SCFD1: variants seen among roughly 807,000 people sequenced by gnomAD.
SCFD1 encodes the protein sec1 family domain-containing protein 1.
In SCFD1, 37 loss-of-function variants were observed where a neutral mutation model predicts 103.2. The ratio of observed to expected loss-of-function variants is 0.36; its 90% CI spans 0.28 to 0.47. The LOEUF (loss-of-function observed/expected upper bound fraction) is 0.47, where lower values mean the gene tolerates loss of function less well. Ranked by LOEUF, SCFD1 falls within the 20% of genes least tolerant of loss-of-function variation. The probability of loss-of-function intolerance (pLI) is 1.00; values close to 1 mark genes in which losing one functional copy is unlikely to be tolerated. For missense variants in SCFD1, 639 were observed against 761.2 expected (o/e 0.84, Z 1.89); for synonymous variants, 264 against 245.0 (o/e 1.08, Z -0.73).
chr14:30,626,705 A>G lies in SCFD1; in HGVS notation c.62-1504A>G, dbSNP rs1053703564. On this transcript the variant is annotated intron_variant, in intron 1 of 24. Coordinates refer to ENST00000458591, the MANE Select transcript of SCFD1 (RefSeq NM_016106.4). ...CTCTCCTATGTGTGTTGCCCCCATT[A>G]AAACCCTGTGTCTCATTTCCTGGCT... Among the ~76,000 whole-genome samples the G allele has an allele frequency of 2.6e-5, 4 of 152,148 alleles. No homozygotes were observed. In the East Asian group the frequency reaches 5.8e-4, roughly 22 times the overall value.
intron 23 of SCFD1, among the ~76,000 whole-genome samples, chr14:30,729,974 C>T (rs756538175): frequency 6.6e-6 from 1 of 152,054 alleles, no homozygotes; most frequent in South Asian, 2.1e-4. Context: ...TCATCGTTTA[C>T]GTTAGGTATA....
chr14:30,701,563 A>AT (rs1891080339), intron 16 of SCFD1, among the ~76,000 whole-genome samples: 1 of 152,154 alleles, frequency 6.6e-6, no homozygotes, highest in African/African-American at 2.4e-5. Context: ...AAAAAAAAAA[A>AT]GTATCTCTCT....
intron 14 of SCFD1, among the ~76,000 whole-genome samples, chr14:30,691,065 A>G: frequency 6.6e-6 from 1 of 152,240 alleles, no homozygotes; most frequent in Non-Finnish European, 1.5e-5. Context: ...AGGCCTATAG[A>G]AGGAAGCCAT....
intron 10 of SCFD1, among the ~76,000 whole-genome samples, chr14:30,668,830 G>A (rs897175104): frequency 8.5e-5 from 13 of 152,190 alleles, no homozygotes; most frequent in Non-Finnish European, 1.5e-4. Context: ...TCAGAGAAAT[G>A]CAAATGAAAA....
chr14:30,653,403 T>C, intron 9 of SCFD1, 86 bp from the exon 10 acceptor site: 2 of 803,232 alleles, frequency 2.5e-6, no homozygotes, highest in South Asian at 3.2e-5. Context: ...CATATCAAAA[T>C]GGCATATACT....
At chr14:30,630,627 G>C in intron 3 of SCFD1, 62 bp downstream of exon 3, 2 of 998,570 alleles carry the variant, frequency 2.0e-6, no homozygotes, top group Non-Finnish European at 3.2e-6. Flanking sequence ...GAGAAAAATA[G>C]TGTTAGGTTA....
At chr14:30,681,802 T>C (rs1382780791) in intron 14 of SCFD1, among the ~76,000 whole-genome samples, 3 of 152,280 alleles carry the variant, frequency 2.0e-5, no homozygotes, top group Non-Finnish European at 1.5e-5. Flanking sequence ...TTAAGTGATG[T>C]AATGAGGTAG....
At chr14:30,633,363 TAATC>T (rs1884377764) in intron 3 of SCFD1, among the ~76,000 whole-genome samples, 1 of 152,202 alleles carries the variant, frequency 6.6e-6, no homozygotes, top group Non-Finnish European at 1.5e-5. Context: ...TAAAATGACT[TAATC>T]TATAAGATGC....
chr14:30,669,395 T>A (rs1334585668), intron 10 of SCFD1, among the ~76,000 whole-genome samples: 1 of 152,120 alleles, frequency 6.6e-6, no homozygotes, highest in Non-Finnish European at 1.5e-5. Flanking sequence ...CACTATTCTT[T>A]AGTTGGCATT....
Position 30,715,868 on chromosome 14 carries a change from A to C in SCFD1, c.1630-56A>C, listed in dbSNP as rs952619403. The C allele has an allele frequency of 3.7e-5, 35 of 938,628 alleles. No individual in the cohort carries two copies. In the African/African-American group the frequency reaches 4.7e-4, roughly 13 times the overall value. The allele number at this position is 938,628 out of a possible 1,614,324, so 58.1% of individuals were successfully genotyped here. ...AACTGTAGAATGATCAGGTTGTTTT[A>C]ATAGAGAAGAACTTTGGTTTAATAT... On this transcript the variant is annotated intron_variant, in intron 19 of 24. Coordinates refer to ENST00000458591, the MANE Select transcript of SCFD1 (RefSeq NM_016106.4).
At chr14:30,638,057 G>A in intron 4 of SCFD1, 68 bp from the exon 5 acceptor site, 3 of 1,430,990 alleles carry the variant, frequency 2.1e-6, no homozygotes, top group Non-Finnish European at 2.8e-6. Flanking sequence ...TTGCCTTATA[G>A]TAGTTGAAAC....
At chr14:30,652,621 C>G (rs1360735763) in intron 9 of SCFD1, among the ~76,000 whole-genome samples, 1 of 152,046 alleles carries the variant, frequency 6.6e-6, no homozygotes, top group Non-Finnish European at 1.5e-5. Flanking sequence ...CCTTTTTTTA[C>G]AGAAACATCA....
intron 15 of SCFD1, among the ~76,000 whole-genome samples, chr14:30,699,447 G>T (rs1458610231): frequency 6.6e-6 from 1 of 152,168 alleles, no homozygotes; most frequent in Non-Finnish European, 1.5e-5. Flanking sequence ...GCACATACAT[G>T]ATAGAAGAAC....
rs541934671 is a variant in SCFD1, at chr14:30,711,325, A to G, written c.1629+3260A>G. Among the ~76,000 whole-genome samples, 206 of 152,328 alleles carry G rather than the reference A, an allele frequency of 1.4e-3. 2 individuals carry two copies. Among genetic ancestry groups the G allele is most frequent in the African/African-American group, 4.7e-3 (195 of 41,570 alleles). On this transcript the variant is annotated intron_variant, in intron 19 of 24. Coordinates refer to ENST00000458591, the MANE Select transcript of SCFD1 (RefSeq NM_016106.4). ...AGAAAACTATAAAACATGATTTTAT[A>G]TGTCGGGTGCAGTGGCTCACGCCTG...
At chr14:30,665,838 G>T (rs965405217) in intron 10 of SCFD1, among the ~76,000 whole-genome samples, 14 of 152,144 alleles carry the variant, frequency 9.2e-5, no homozygotes, top group African/African-American at 3.4e-4. Context: ...AACAAGAAGA[G>T]CTAACTATTG....
In SCFD1 at chr14:30,631,125, G is replaced by A. The variant is rs569488360; in HGVS notation, c.221+560G>A. Among the ~76,000 whole-genome samples the A allele has an allele frequency of 3.4e-4, 52 of 152,220 alleles. No individual in the cohort carries two copies. In the Middle Eastern group the frequency reaches 0.01, roughly 30 times the overall value. On this transcript the variant is annotated intron_variant, in intron 3 of 24. Transcript: ENST00000458591. ...TCCCAGTACTTTGGGAGGCCAAGGC[G>A]GGCAAATCACAAGGTCAGGAGTTCG...
intron 11 of SCFD1, among the ~76,000 whole-genome samples, chr14:30,671,499 G>GA (rs1464807992): frequency 1.3e-5 from 2 of 151,896 alleles, no homozygotes; most frequent in Non-Finnish European, 2.9e-5. Context: ...AAAAGCTTAA[G>GA]AAAAAAATCT....
intron 8 of SCFD1, 49 bp from the exon 9 acceptor site, chr14:30,650,516 T>C (rs1407015031): frequency 1.8e-6 from 2 of 1,100,616 alleles, no homozygotes; most frequent in Admixed American, 1.9e-5. Flanking sequence ...TTAACCTCCA[T>C]AAAGTTATAT....
At chr14:30,705,303 G>A (rs1891392894) in intron 17 of SCFD1, among the ~76,000 whole-genome samples, 1 of 152,084 alleles carries the variant, frequency 6.6e-6, no homozygotes, top group South Asian at 2.1e-4. Flanking sequence ...CATGAGCAAA[G>A]GCATGTACCT....
Sources: gnomAD v4.1 joint callset for allele counts (sites outside exome capture counted in the v4.1 genomes callset) on GRCh38, gnomAD v4.1.1 for gene constraint, MANE v1.5 for transcripts, NCBI Gene and HGNC (gene_info 2026-07-23, HGNC 2026-07-21) for gene names.